The following GAREM1 variants were observed in gnomAD, a reference collection of about 807,000 sequenced individuals.
GAREM1 encodes GRB2-associated and regulator of MAPK protein 1.
A neutral mutation model predicts 71.3 loss-of-function variants in GAREM1; 26 were observed. The observed-to-expected ratio is 0.36, with a 90% CI of 0.27 to 0.51. GAREM1 has a LOEUF of 0.51. Among genes scored for constraint, GAREM1 ranks in the 20% least tolerant of loss-of-function variants. GAREM1 has a pLI of 0.95. For missense variants in GAREM1, 1,026 were observed against 1,103.1 expected, an observed-to-expected ratio of 0.93 and a Z score of 0.99; for synonymous variants, 440 against 433.2, an observed-to-expected ratio of 1.02 and a Z score of -0.20.
At chr18:32,311,324 T>C (rs1213854779) in intron 2 of GAREM1, among the ~76,000 whole-genome samples, 2 of 152,148 alleles carry the variant, frequency 1.3e-5, no homozygotes, top group Non-Finnish European at 2.9e-5. Context: ...CAGGCAGAAA[T>C]AGGAAAACTT....
Position 32,264,132 on chromosome 18 carries a change from C to A in GAREM1, c.*3739G>T, listed in dbSNP as rs531972655. The A allele has an allele frequency of 2.0e-5, 3 of 152,260 alleles. No homozygotes were observed. The highest frequency in any genetic ancestry group is 2.0e-4 in the Admixed American group (3 of 15,288). The allele number at this position is 152,260 out of a possible 1,614,324, so 9.4% of individuals were successfully genotyped here. A position where few individuals can be genotyped will look rare whatever the true frequency, so the allele number is the denominator to read the frequency against. On this transcript the variant is annotated 3_prime_UTR_variant, in exon 6 of 6. Transcript: ENST00000269209. ...ACAATCCCACAATCTAAAAACTCTACTTCACATAATTTGCACTCTAGGCCT... is the reference window on the plus strand; with the variant it reads ...ACAATCCCACAATCTAAAAACTCTAATTCACATAATTTGCACTCTAGGCCT...
intron 2 of GAREM1, among the ~76,000 whole-genome samples, chr18:32,391,924 C>G (rs1166283954): frequency 6.6e-6 from 1 of 152,014 alleles, no homozygotes; most frequent in Non-Finnish European, 1.5e-5. Context: ...AAAATGGTAC[C>G]AAACTATTCA....
In GAREM1 at chr18:32,272,597, C is replaced by T. The variant is rs145972987; in HGVS notation, c.1567-2214G>A. Reference sequence around the variant, plus strand: ...GAGAGGAATGCTTGGCTGGGCTGGCCCAGGAAAGACCCTTGCACCATTCTG... The same window carrying T: ...GAGAGGAATGCTTGGCTGGGCTGGCTCAGGAAAGACCCTTGCACCATTCTG... On this transcript the variant is annotated intron_variant, in intron 4 of 5. Transcript: ENST00000269209. Among the ~76,000 whole-genome samples the T allele has an allele frequency of 4.4e-3, 668 of 151,090 alleles. 2 individuals carry two copies. The highest frequency in any genetic ancestry group is 0.015 in the African/African-American group (635 of 41,272).
intron 2 of GAREM1, among the ~76,000 whole-genome samples, chr18:32,369,564 C>T (rs2047957636): frequency 6.6e-6 from 1 of 152,002 alleles, no homozygotes; most frequent in African/African-American, 2.4e-5. Flanking sequence ...CAGTATCAAC[C>T]CCCAGAATCT....
intron 1 of GAREM1, among the ~76,000 whole-genome samples, chr18:32,407,914 C>T (rs1311146414): frequency 6.6e-6 from 1 of 151,876 alleles, no homozygotes; most frequent in African/African-American, 2.4e-5. Context: ...TATTGCAATG[C>T]CTGCATGACT....
intron 1 of GAREM1, among the ~76,000 whole-genome samples, chr18:32,398,441 G>A (rs1296360727): frequency 1.3e-5 from 2 of 152,104 alleles, no homozygotes; most frequent in South Asian, 2.1e-4. Context: ...AAGAAGAAAA[G>A]AGAGAAGAAT....
chr18:32,366,807 T>C (rs1029960406), intron 2 of GAREM1, among the ~76,000 whole-genome samples: 3 of 152,218 alleles, frequency 2.0e-5, no homozygotes, highest in African/African-American at 7.2e-5. Flanking sequence ...CTCTTAGTTG[T>C]TGAGAAAGTC....
chr18:32,341,445 G>GTA (rs2047646828), intron 2 of GAREM1, among the ~76,000 whole-genome samples: 1 of 152,160 alleles, frequency 6.6e-6, no homozygotes, highest in African/African-American at 2.4e-5. Context: ...ACATACATGT[G>GTA]CATGTGTCTT....
chr18:32,286,978 T>G, intron 4 of GAREM1, 53 bp downstream of exon 4: 1 of 1,291,622 alleles, frequency 7.7e-7, no homozygotes, highest in Non-Finnish European at 1.1e-6. Context: ...AGTGGATGAC[T>G]GAGCAGAGAG....
intron 2 of GAREM1, among the ~76,000 whole-genome samples, chr18:32,363,347 T>C (rs928237227): frequency 1.3e-5 from 2 of 152,234 alleles, no homozygotes; most frequent in Non-Finnish European, 2.9e-5. Flanking sequence ...ATGTAAATGT[T>C]ACCTTGGACA....
intron 2 of GAREM1, among the ~76,000 whole-genome samples, chr18:32,359,414 A>G (rs760211799): frequency 3.3e-4 from 51 of 152,250 alleles, no homozygotes; most frequent in African/African-American, 1.1e-3. Context: ...GATCCTCCCA[A>G]TTTGGCCTAT....
chr18:32,469,399 A>G (rs2049028658), intron 1 of GAREM1, among the ~76,000 whole-genome samples: 1 of 151,396 alleles, frequency 6.6e-6, no homozygotes, highest in South Asian at 2.1e-4. Context: ...TTCTTTCTGC[A>G]AACAGTCTAA....
intron 4 of GAREM1, among the ~76,000 whole-genome samples, chr18:32,278,329 G>A (rs1174012745): frequency 6.6e-6 from 1 of 152,138 alleles, no homozygotes; most frequent in South Asian, 2.1e-4. Context: ...GCAGGGGCGT[G>A]GGGGAGAGAG....
At chr18:32,466,641 A>G (rs1202399663) in intron 1 of GAREM1, among the ~76,000 whole-genome samples, 1 of 152,210 alleles carries the variant, frequency 6.6e-6, no homozygotes, top group Non-Finnish European at 1.5e-5. Flanking sequence ...GAGAAAATGA[A>G]CAATTTCCCA....
At chr18:32,391,018 G>T (rs2048190936) in intron 2 of GAREM1, among the ~76,000 whole-genome samples, 1 of 152,134 alleles carries the variant, frequency 6.6e-6, no homozygotes, top group Non-Finnish European at 1.5e-5. Flanking sequence ...TTTTAGAATT[G>T]GTATAACTTG....
chr18:32,293,186 A>G (rs1257344153), intron 3 of GAREM1, among the ~76,000 whole-genome samples: 2 of 152,004 alleles, frequency 1.3e-5, no homozygotes, highest in Non-Finnish European at 2.9e-5. Flanking sequence ...CGTATATCTT[A>G]GTTTTTTTCC....
At chr18:32,425,487 T>C (rs1176758451) in intron 1 of GAREM1, among the ~76,000 whole-genome samples, 1 of 152,218 alleles carries the variant, frequency 6.6e-6, no homozygotes, top group African/African-American at 2.4e-5. Context: ...AAGAATTTGT[T>C]TTGTGCTCTG....
chr18:32,415,077 C>T (rs1357190022), intron 1 of GAREM1, among the ~76,000 whole-genome samples: 1 of 151,954 alleles, frequency 6.6e-6, no homozygotes, highest in African/African-American at 2.4e-5. Context: ...CTATGAGCAA[C>T]TTATATGCCA....
At chr18:32,448,489 C>T (rs774476468) in intron 1 of GAREM1, among the ~76,000 whole-genome samples, 1 of 152,132 alleles carries the variant, frequency 6.6e-6, no homozygotes, top group African/African-American at 2.4e-5. Flanking sequence ...TACTCTACTC[C>T]ATAATCGTAA....
Sources: allele counts gnomAD v4.1 joint callset (sites outside exome capture counted in the v4.1 genomes callset), GRCh38; gene constraint gnomAD v4.1.1; transcripts MANE v1.5; gene names NCBI Gene and HGNC (gene_info 2026-07-23, HGNC 2026-07-21).